PRKAR2B: variants seen among roughly 807,000 people sequenced by gnomAD.
PRKAR2B encodes cAMP-dependent protein kinase type II-beta regulatory subunit.
Under a neutral mutation model 49.9 loss-of-function variants are expected in PRKAR2B, and 14 were observed. That is an observed-to-expected ratio of 0.28 (90% CI 0.19 to 0.44). The LOEUF (loss-of-function observed/expected upper bound fraction) is 0.44. Among genes scored for constraint, PRKAR2B ranks in the 20% least tolerant of loss-of-function variants. The pLI is 1.00. For synonymous variants in PRKAR2B, 196 were observed against 197.7 expected, an observed-to-expected ratio of 0.99 and a Z score of 0.07; for missense variants, 393 against 537.9, an observed-to-expected ratio of 0.73 and a Z score of 2.67.
At chr7:107,074,531 G>C (rs112889325) in intron 2 of PRKAR2B, among the ~76,000 whole-genome samples, 309 of 152,160 alleles carry the variant, frequency 2.0e-3, no homozygotes, top group African/African-American at 7.3e-3. Context: ...GGGCGCTGTG[G>C]TACACACTTG....
intron 2 of PRKAR2B, among the ~76,000 whole-genome samples, chr7:107,080,729 C>T (rs1421450399): frequency 2.0e-5 from 3 of 152,092 alleles, no homozygotes; most frequent in Admixed American, 6.5e-5. Flanking sequence ...GCGCTGTAAC[C>T]GTCTGATACT....
At chr7:107,104,911 TA>T (rs778917310) in intron 2 of PRKAR2B, among the ~76,000 whole-genome samples, 1 of 152,206 alleles carries the variant, frequency 6.6e-6, no homozygotes, top group Non-Finnish European at 1.5e-5. Context: ...AGTCCTTGTA[TA>T]AGGACTGGGA....
chr7:107,106,986 C>A (rs1193960224), intron 2 of PRKAR2B, among the ~76,000 whole-genome samples: 4 of 152,176 alleles, frequency 2.6e-5, no homozygotes, highest in Non-Finnish European at 5.9e-5. Flanking sequence ...GGCCTCTCCT[C>A]ATTTTTCCTC....
At position 107,160,420 on chromosome 7, in the gene PRKAR2B, G is replaced by T. The variant is rs745654279; in HGVS notation, c.*838G>T. On this transcript the variant is annotated 3_prime_UTR_variant, in exon 11 of 11. Transcript: ENST00000265717. ...AAAAAGTGATTTAAACTTAAGATCC[G>T]ACATTTTTTGTATTCTTTAAGATTT... 1 of 152,046 alleles carries T rather than the reference G, an allele frequency of 6.6e-6. No homozygotes were observed. The highest frequency in any genetic ancestry group is 2.4e-5 in the African/African-American group (1 of 41,478). 9.4% of individuals were successfully genotyped at this position (152,046 alleles called of 1,614,324 possible).
chr7:107,157,730 G>A (rs1184611948), intron 10 of PRKAR2B, among the ~76,000 whole-genome samples: 1 of 152,198 alleles, frequency 6.6e-6, no homozygotes, highest in African/African-American at 2.4e-5. Context: ...ACTCATTACA[G>A]TATTGGGACA....
intron 2 of PRKAR2B, among the ~76,000 whole-genome samples, chr7:107,081,634 C>T (rs190184425): frequency 2.0e-5 from 3 of 152,062 alleles, no homozygotes; most frequent in African/African-American, 7.3e-5. Context: ...CCTGCACCTC[C>T]CCGGATTAGT....
chr7:107,081,574 A>G (rs1323363900), intron 2 of PRKAR2B, among the ~76,000 whole-genome samples: 3 of 152,084 alleles, frequency 2.0e-5, no homozygotes, highest in African/African-American at 4.8e-5. Context: ...CAAAATACCT[A>G]TTCAGGTCTT....
chr7:107,106,103 AT>A (rs2116818807), intron 2 of PRKAR2B, among the ~76,000 whole-genome samples: 1 of 152,250 alleles, frequency 6.6e-6, no homozygotes, highest in Non-Finnish European at 1.5e-5. Flanking sequence ...ACATTAGTGT[AT>A]TTCCTGAGTG....
At chr7:107,073,256 C>T (rs750369599) in intron 2 of PRKAR2B, among the ~76,000 whole-genome samples, 28 of 152,128 alleles carry the variant, frequency 1.8e-4, no homozygotes, top group Non-Finnish European at 3.7e-4. Context: ...TTAACAAATA[C>T]ATTCTTTAGG....
chr7:107,067,076 G>A (rs1357501734), intron 1 of PRKAR2B: 1 of 152,402 alleles, frequency 6.6e-6, no homozygotes, highest in Non-Finnish European at 1.5e-5. Flanking sequence ...CTCCCTGCCA[G>A]TGATGTGGAA....
At chr7:107,144,280 G>T (rs1299836620) in intron 5 of PRKAR2B, among the ~76,000 whole-genome samples, 1 of 151,820 alleles carries the variant, frequency 6.6e-6, no homozygotes, top group Non-Finnish European at 1.5e-5. Flanking sequence ...TAGAGACGGG[G>T]TTTCACCATG....
chr7:107,127,664 G>C (rs1173792631), intron 3 of PRKAR2B, among the ~76,000 whole-genome samples: 1 of 152,268 alleles, frequency 6.6e-6, no homozygotes, highest in Non-Finnish European at 1.5e-5. Context: ...CTTGCTCGCT[G>C]TGGGGCAGGT....
chr7:107,151,567 T>C (rs1795988659), intron 7 of PRKAR2B, among the ~76,000 whole-genome samples: 1 of 152,354 alleles, frequency 6.6e-6, no homozygotes, highest in Non-Finnish European at 1.5e-5. Flanking sequence ...ATAAACCCAT[T>C]GTGAGTTGAA....
At chr7:107,101,135 A>ATTTTTTTTTTTTTTTTTTTTTT (rs950761298) in intron 2 of PRKAR2B, among the ~76,000 whole-genome samples, 2 of 94,690 alleles carry the variant, frequency 2.1e-5, no homozygotes, top group East Asian at 3.2e-4. Flanking sequence ...GTTGTTGCTT[A>ATTTTTTTTTTTTTTTTTTTTTT]TTTTTTTTTT....
intron 1 of PRKAR2B, among the ~76,000 whole-genome samples, chr7:107,061,874 G>A (rs985459037): frequency 1.3e-5 from 2 of 152,134 alleles, no homozygotes; most frequent in Non-Finnish European, 2.9e-5. Flanking sequence ...TCCAACCTGG[G>A]CGACAGAGTG....
chr7:107,112,257 C>T (rs1795190894), intron 2 of PRKAR2B, among the ~76,000 whole-genome samples: 1 of 134,256 alleles, frequency 7.4e-6, no homozygotes, highest in South Asian at 2.4e-4. Context: ...TATCAAGAAA[C>T]AAGTAAGTTT....
intron 1 of PRKAR2B, chr7:107,067,382 T>C: frequency 6.6e-6 from 1 of 152,154 alleles, no homozygotes; most frequent in East Asian, 1.9e-4. Context: ...TTGGTGATTG[T>C]TCTCAAAACC....
chr7:107,104,053 C>T (rs923070769), intron 2 of PRKAR2B, among the ~76,000 whole-genome samples: 3 of 151,894 alleles, frequency 2.0e-5, no homozygotes, highest in Admixed American at 6.6e-5. Flanking sequence ...TTTTTTGAGA[C>T]GGAGTCTCGC....
intron 2 of PRKAR2B, among the ~76,000 whole-genome samples, chr7:107,079,289 T>TGATATAATTTGATATA (rs1794468930): frequency 1.3e-5 from 2 of 152,144 alleles, no homozygotes; most frequent in Non-Finnish European, 2.9e-5. Flanking sequence ...GCTATAATTG[T>TGATATAATTTGATATA]ATCTAAACAC....
Sources: gnomAD v4.1 joint callset for allele counts (sites outside exome capture counted in the v4.1 genomes callset) on GRCh38, gnomAD v4.1.1 for gene constraint, MANE v1.5 for transcripts, NCBI Gene and HGNC (gene_info 2026-07-23, HGNC 2026-07-21) for gene names.